PHLDB2: variants seen among roughly 807,000 people sequenced by gnomAD.
The protein encoded by PHLDB2 is pleckstrin homology like domain family B member 2.
Under a neutral mutation model 123.6 loss-of-function variants are expected in PHLDB2, and 71 were observed. The observed-to-expected ratio is 0.57, with a 90% CI of 0.47 to 0.70. PHLDB2 has a LOEUF of 0.70. Among genes scored for constraint, PHLDB2 ranks in the 30% least tolerant of loss-of-function variants. The pLI is 0.00. For synonymous variants in PHLDB2, 547 were observed against 541.6 expected, an observed-to-expected ratio of 1.01 and a Z score of -0.14; for missense variants, 1,446 against 1,519.5, an observed-to-expected ratio of 0.95 and a Z score of 0.80.
intron 1 of PHLDB2, among the ~76,000 whole-genome samples, chr3:111,808,753 T>C (rs569221761): frequency 2.0e-5 from 3 of 152,324 alleles, no homozygotes; most frequent in Non-Finnish European, 4.4e-5. Flanking sequence ...TCTCCTGCCC[T>C]CTTTGGTCTT....
At chr3:111,823,158 G>A (rs985537246) in intron 1 of PHLDB2, among the ~76,000 whole-genome samples, 1 of 152,204 alleles carries the variant, frequency 6.6e-6, no homozygotes, top group African/African-American at 2.4e-5. Flanking sequence ...AGGAGGAAGT[G>A]GGAGTTGGGA....
chr3:111,910,424 G>T (rs2067820084), intron 2 of PHLDB2, among the ~76,000 whole-genome samples: 1 of 152,220 alleles, frequency 6.6e-6, no homozygotes, highest in Admixed American at 6.5e-5. Context: ...AGTTTGGAAA[G>T]GTGGGTAGGA....
intron 1 of PHLDB2, among the ~76,000 whole-genome samples, chr3:111,783,100 A>G (rs2060543483): frequency 6.6e-6 from 1 of 152,072 alleles, no homozygotes; most frequent in African/African-American, 2.4e-5. Flanking sequence ...CAAAATTTTG[A>G]GAATTCTTGC....
rs1559900346 is a variant in PHLDB2, at chr3:111,913,624, C to T, written c.1641C>T (p.Leu547=). 2 of 1,614,118 alleles carry T rather than the reference C, an allele frequency of 1.2e-6. No individual in the cohort carries two copies. The highest frequency in any genetic ancestry group is 1.7e-6 in the Non-Finnish European group (2 of 1,179,974). The change falls in exon 3 of 18, where the codon CTC becomes CTT. Residue 547 remains leucine (L), a synonymous_variant. Coordinates refer to ENST00000431670, the MANE Select transcript of PHLDB2 (RefSeq NM_001134438.2). ...GGAATGATGAACTACTCAGTGACCT[C>T]ACCCGGACTCCTCCACCACCATCCT... ...STRNDELLSD[L]TRTPPPPSST... is the part of the protein sequence containing the mutation.
At chr3:111,862,593 A>T (rs2064886413) in intron 1 of PHLDB2, among the ~76,000 whole-genome samples, 1 of 152,132 alleles carries the variant, frequency 6.6e-6, no homozygotes, top group African/African-American at 2.4e-5. Flanking sequence ...GCACTACAGT[A>T]TTGCCTGGGG....
intron 10 of PHLDB2, among the ~76,000 whole-genome samples, chr3:111,950,053 A>G (rs76968862): frequency 0.059 from 9,024 of 151,994 alleles, 880 homozygotes; most frequent in African/African-American, 0.2. Flanking sequence ...GTGTTCTAAG[A>G]GTGTTAGAAT....
At chr3:111,751,047 G>C (rs2059763418) in intron 1 of PHLDB2, among the ~76,000 whole-genome samples, 1 of 152,022 alleles carries the variant, frequency 6.6e-6, no homozygotes, top group Admixed American at 6.6e-5. Context: ...AAATGCTGCA[G>C]GTAATCATTT....
Position 111,932,172 on chromosome 3 carries a change from G to A in PHLDB2, c.2002-97G>A. On this transcript the variant is annotated intron_variant, in intron 5 of 17. Coordinates refer to ENST00000431670, the MANE Select transcript of PHLDB2 (RefSeq NM_001134438.2). The stretch of plus-strand genomic sequence containing the variant: ...CATTCATAGATTGTCCAGAGTTTGT[G>A]TATGTTTGTTTATGTTATCCTTGAG... 2.3e-6 allele frequency: 3 copies of A among 1,303,816 alleles called. No homozygotes were observed. The South Asian group carries it at 4.3e-5, about 19-fold the overall frequency. The allele number at this position is 1,303,816 out of a possible 1,614,324, so 80.8% of individuals were successfully genotyped here. A position where few individuals can be genotyped will look rare whatever the true frequency, so the allele number is the denominator to read the frequency against.
upstream of PHLDB2, among the ~76,000 whole-genome samples, chr3:111,856,440 A>G (rs2064512032): frequency 6.6e-6 from 1 of 152,228 alleles, no homozygotes. Flanking sequence ...GGGAGTAGTA[A>G]CAAACAGTAA....
intron 5 of PHLDB2, among the ~76,000 whole-genome samples, chr3:111,924,878 G>A (rs1027608623): frequency 3.3e-5 from 5 of 152,136 alleles, no homozygotes; most frequent in African/African-American, 1.2e-4. Flanking sequence ...GCCCAGGCTG[G>A]AGTGCAGTGG....
At chr3:111,750,088 G>GCTAA (rs2059744311) in intron 1 of PHLDB2, among the ~76,000 whole-genome samples, 5 of 152,226 alleles carry the variant, frequency 3.3e-5, no homozygotes, top group Admixed American at 2.6e-4. Context: ...AGGATTAAGG[G>GCTAA]GTTATATGAG....
At chr3:111,959,571 T>C (rs569407785) in intron 12 of PHLDB2, among the ~76,000 whole-genome samples, 14 of 152,362 alleles carry the variant, frequency 9.2e-5, no homozygotes, top group South Asian at 2.1e-4. Context: ...ACTTGTGAGT[T>C]GGTCTGGGGA....
At chr3:111,966,033 GC>G (rs2107676460) in intron 13 of PHLDB2, among the ~76,000 whole-genome samples, 1 of 152,220 alleles carries the variant, frequency 6.6e-6, no homozygotes, top group Admixed American at 6.5e-5. Context: ...TCCATCCATT[GC>G]ACCTATAGGA....
intron 1 of PHLDB2, among the ~76,000 whole-genome samples, chr3:111,803,424 G>C (rs1183080172): frequency 2.0e-5 from 3 of 152,152 alleles, no homozygotes; most frequent in African/African-American, 7.2e-5. Context: ...CCGGGAGAAT[G>C]TGCCCCCACC....
intron 13 of PHLDB2, among the ~76,000 whole-genome samples, chr3:111,964,452 G>A (rs73230499): frequency 0.17 from 25,260 of 151,612 alleles, 2,426 homozygotes; most frequent in African/African-American, 0.25. Context: ...CAATTCTCTC[G>A]TCTCAGCCTC....
At chr3:111,881,959 C>T (rs1371449141) in intron 1 of PHLDB2, among the ~76,000 whole-genome samples, 1 of 151,996 alleles carries the variant, frequency 6.6e-6, no homozygotes, top group South Asian at 2.1e-4. Flanking sequence ...GTATTATATA[C>T]AGAAATATAC....
At position 111,952,708 on chromosome 3, in the gene PHLDB2, C is replaced by G. The variant is rs1387080673; in HGVS notation, c.2768C>G (p.Pro923Arg). The change falls in exon 11 of 18, where the codon CCA becomes CGA. Residue 923 changes from proline to arginine, a missense_variant. Around this residue, in one of 3 missense-constraint regions of PHLDB2, gnomAD observed 594 missense variants for 646.0 expected, o/e 0.92. Transcript: ENST00000431670. ...SSATMGRSIT[P>R]KAHLPLGQSN... The stretch of plus-strand genomic sequence containing the variant: ...GCTACTATGGGGAGAAGCATCACCC[C>G]AAAGGTAGGACCTGGGAGAAACCAC... 1 of 1,611,928 alleles carries G rather than the reference C, an allele frequency of 6.2e-7. No homozygotes were observed. Among genetic ancestry groups the G allele is most frequent in the Admixed American group, 1.7e-5 (1 of 59,516 alleles).
Position 111,884,817 on chromosome 3 carries a change from G to A in PHLDB2, c.740G>A (p.Ser247Asn), listed in dbSNP as rs1351492006. 1.2e-6 allele frequency: 2 copies of A among 1,614,098 alleles called. No homozygotes were observed. Among genetic ancestry groups the A allele is most frequent in the South Asian group, 1.1e-5 (1 of 91,078 alleles). ...RTRKYSSSSL[S>N]HMGAYSRSLP... ...AGGAAGTACTCCAGCAGCAGCCTGA[G>A]TCACATGGGAGCCTACAGCCGATCA... is the stretch of plus-strand genomic sequence containing the variant. Residue 247 changes from serine to asparagine, a missense_variant, in exon 2 of 18, where the codon AGT becomes AAT. Physicochemically the swap from Ser to Asn is conservative, Grantham distance 46. Coordinates refer to ENST00000431670, the MANE Select transcript of PHLDB2 (RefSeq NM_001134438.2).
intron 1 of PHLDB2, among the ~76,000 whole-genome samples, chr3:111,835,207 T>C (rs533041957): frequency 3.3e-5 from 5 of 152,252 alleles, no homozygotes; most frequent in African/African-American, 1.2e-4. Flanking sequence ...ATATAGAAAC[T>C]GATGGATTGG....
Sources: allele counts gnomAD v4.1 joint callset (sites outside exome capture counted in the v4.1 genomes callset), GRCh38; gene constraint gnomAD v4.1.1; regional missense constraint gnomAD v4.1.1; transcripts MANE v1.5; gene names NCBI Gene and HGNC (gene_info 2026-07-23, HGNC 2026-07-21).